Variants in CLOCK observed in about 807,000 individuals in gnomAD.
CLOCK encodes circadian locomoter output cycles protein kaput.
CLOCK carries 43 observed loss-of-function variants against 118.4 expected under a neutral mutation model. The observed-to-expected ratio is 0.36, with a 90% CI of 0.28 to 0.47. The LOEUF (loss-of-function observed/expected upper bound fraction) is 0.47, where lower values mean the gene tolerates loss of function less well. CLOCK is among the 20% of genes least tolerant of loss of function. The pLI is 1.00. For synonymous variants in CLOCK, 326 were observed against 339.2 expected, an observed-to-expected ratio of 0.96 and a Z score of 0.43; for missense variants, 846 against 999.9, an observed-to-expected ratio of 0.85 and a Z score of 2.08.
rs1422995381 is a variant in CLOCK at position 55,429,078 on chromosome 4, TTTAAC to T, written c.*6332_*6336del. 4 of 152,086 alleles carry T rather than the reference TTTAAC, an allele frequency of 2.6e-5. No homozygotes were observed. The highest frequency in any genetic ancestry group is 3.4e-3 in the Middle Eastern group (1 of 294). 9.4% of individuals were successfully genotyped at this position (152,086 alleles called of 1,614,324 possible). A position where few individuals can be genotyped will look rare whatever the true frequency, so the allele number is the denominator to read the frequency against. ...CATCAATCTGAAGGTAACAACTTAT[TTTAAC>T]TTAACTACTGGCATAACCATTGCCA... On this transcript the variant is annotated 3_prime_UTR_variant, in exon 23 of 23. Transcript: ENST00000513440.
chr4:55,521,693 C>T (rs1729855938), intron 1 of CLOCK, among the ~76,000 whole-genome samples: 1 of 152,230 alleles, frequency 6.6e-6, no homozygotes. Context: ...CATACTTGAG[C>T]AAATTATTCA....
chr4:55,529,469 A>G (rs1193603281), intron 1 of CLOCK, among the ~76,000 whole-genome samples: 1 of 152,164 alleles, frequency 6.6e-6, no homozygotes, highest in Non-Finnish European at 1.5e-5. Context: ...CCAGACCAAG[A>G]CAAATAAATA....
At chr4:55,525,434 C>T (rs1425249654) in intron 1 of CLOCK, among the ~76,000 whole-genome samples, 1 of 152,126 alleles carries the variant, frequency 6.6e-6, no homozygotes, top group Non-Finnish European at 1.5e-5. Context: ...ATGATCACAC[C>T]ACTGCACTCC....
At chr4:55,468,208 C>T (rs1427755856) in intron 8 of CLOCK, among the ~76,000 whole-genome samples, 1 of 152,128 alleles carries the variant, frequency 6.6e-6, no homozygotes, top group Non-Finnish European at 1.5e-5. Context: ...AATCCTCCCA[C>T]CACAGCCTCT....
chr4:55,463,087 T>C (rs1024422450), intron 9 of CLOCK, among the ~76,000 whole-genome samples: 2 of 152,198 alleles, frequency 1.3e-5, no homozygotes, highest in African/African-American at 4.8e-5. Context: ...TCAAATAAAT[T>C]TGTCAATGGA....
chr4:55,510,629 T>TCA (rs1553901170), intron 1 of CLOCK, among the ~76,000 whole-genome samples: 1 of 104,308 alleles, frequency 9.6e-6, no homozygotes, highest in African/African-American at 4.1e-5. Flanking sequence ...TCTGTCTTTT[T>TCA]AAAAAAAAAA....
chr4:55,448,752 G>A (rs369052782), intron 18 of CLOCK, 27 bp downstream of exon 18: 78 of 1,554,132 alleles, frequency 5.0e-5, no homozygotes, highest in African/African-American at 2.5e-4. Flanking sequence ...ATTCAAATAC[G>A]CAACTGAAAC....
At position 55,435,464 on chromosome 4, in the gene CLOCK, C is replaced by G; in HGVS notation, c.2492G>C (p.Arg831Pro). ...HQSQQQQQLS[R>P]HRTDSLPDPS... ...GTCGGGCAAGCTGTCAGTCCTGTGCCGGCTGAGTTGCTGCTGTTGCTGAGA... is the reference window on the plus strand; with the variant it reads ...GTCGGGCAAGCTGTCAGTCCTGTGCGGGCTGAGTTGCTGCTGTTGCTGAGA... The change falls in exon 23 of 23, where the codon CGG becomes CCG. Residue 831 changes from arginine (R) to proline (P), a missense_variant. By Grantham distance (103) the Arg-to-Pro change is moderately radical. Around this residue, in one of 4 missense-constraint regions of CLOCK, gnomAD observed 520 missense variants for 558.0 expected, o/e 0.93. Coordinates refer to ENST00000513440, the MANE Select transcript of CLOCK (RefSeq NM_004898.4). The G allele has an allele frequency of 1.9e-6, 3 of 1,613,970 alleles. No homozygotes were observed. Among genetic ancestry groups the G allele is most frequent in the Non-Finnish European group, 2.5e-6 (3 of 1,179,916 alleles).
intron 1 of CLOCK, among the ~76,000 whole-genome samples, chr4:55,516,466 G>A (rs1729521172): frequency 2.0e-5 from 3 of 152,070 alleles, no homozygotes; most frequent in South Asian, 4.1e-4. Flanking sequence ...TCTTTATTCC[G>A]GATAACTTCC....
Position 55,427,908 on chromosome 4 carries a change from A to G in CLOCK, c.*7507T>C, listed in dbSNP as rs1397221782. The stretch of plus-strand genomic sequence containing the variant: ...TAAAAGAAAGGGAAATGTCATTGAT[A>G]GTGATCTTAAAATATTTAATAGTCT... On this transcript the variant is annotated 3_prime_UTR_variant, in exon 23 of 23. Transcript: ENST00000513440. 6.6e-6 allele frequency: 1 copy of G among 152,234 alleles called. No homozygotes were observed. The highest frequency in any genetic ancestry group is 1.5e-5 in the Non-Finnish European group (1 of 68,038). 9.4% of individuals were successfully genotyped at this position (152,234 alleles called of 1,614,324 possible). A position where few individuals can be genotyped will look rare whatever the true frequency, so the allele number is the denominator to read the frequency against.
intron 1 of CLOCK, among the ~76,000 whole-genome samples, chr4:55,532,974 A>G (rs1730652892): frequency 6.6e-6 from 1 of 152,224 alleles, no homozygotes; most frequent in Admixed American, 6.5e-5. Context: ...CAAAGAGAGA[A>G]TACAAATAAA....
At chr4:55,445,260 A>AG in intron 18 of CLOCK, among the ~76,000 whole-genome samples, 1 of 68,238 alleles carries the variant, frequency 1.5e-5, no homozygotes, top group African/African-American at 3.7e-5. Context: ...GACATTTCTC[A>AG]CTTTTACATA....
intron 8 of CLOCK, among the ~76,000 whole-genome samples, chr4:55,464,969 T>G (rs1725635870): frequency 6.6e-6 from 1 of 152,206 alleles, no homozygotes; most frequent in Admixed American, 6.5e-5. Flanking sequence ...CATATCTGTA[T>G]CTTTCCCCTT....
At chr4:55,482,669 T>G in intron 4 of CLOCK, 70 bp downstream of exon 4, 1 of 1,034,302 alleles carries the variant, frequency 9.7e-7, no homozygotes, top group Non-Finnish European at 1.4e-6. Context: ...CAATTTCATA[T>G]AGACCATTAT....
chr4:55,494,379 A>T (rs1727915810), intron 2 of CLOCK, among the ~76,000 whole-genome samples: 1 of 152,226 alleles, frequency 6.6e-6, no homozygotes, highest in Non-Finnish European at 1.5e-5. Flanking sequence ...TGCAGATGTG[A>T]TTAAGGATAA....
At chr4:55,518,863 A>G (rs1014184783) in intron 1 of CLOCK, among the ~76,000 whole-genome samples, 4 of 152,328 alleles carry the variant, frequency 2.6e-5, no homozygotes, top group East Asian at 3.9e-4. Context: ...CCGACAAGCT[A>G]TAAGAGGCAG....
In CLOCK at chr4:55,517,286, G is replaced by A. The variant is rs190867326; in HGVS notation, c.-289-7221C>T. ...AGCACTTTGGGAGGCCGAGGTGGGC[G>A]GATCATGAGGTCAGGAGATCGAGAC... On this transcript the variant is annotated intron_variant, in intron 1 of 22. Coordinates refer to ENST00000513440, the MANE Select transcript of CLOCK (RefSeq NM_004898.4). Among the ~76,000 whole-genome samples, 6 of 152,154 alleles carry A rather than the reference G, an allele frequency of 3.9e-5. No individual in the cohort carries two copies. In the East Asian group the frequency reaches 5.8e-4, roughly 15 times the overall value.
chr4:55,440,675 C>G (rs761042933), intron 21 of CLOCK, among the ~76,000 whole-genome samples: 3 of 152,206 alleles, frequency 2.0e-5, no homozygotes, highest in African/African-American at 7.2e-5. Flanking sequence ...CACAGAAGTA[C>G]TAAGTGCTGA....
intron 1 of CLOCK, among the ~76,000 whole-genome samples, chr4:55,537,750 C>T (rs564796211): frequency 2.0e-5 from 3 of 152,056 alleles, no homozygotes; most frequent in Non-Finnish European, 2.9e-5. Flanking sequence ...GCCATGATCA[C>T]GATACTGTAC....
Sources: gnomAD v4.1 joint callset for allele counts (sites outside exome capture counted in the v4.1 genomes callset) on GRCh38, gnomAD v4.1.1 for gene constraint, gnomAD v4.1.1 regional missense constraint, MANE v1.5 for transcripts, NCBI Gene and HGNC (gene_info 2026-07-23, HGNC 2026-07-21) for gene names.